FANCA: variants seen among roughly 807,000 people sequenced by gnomAD.
FANCA encodes the protein Fanconi anemia group A protein.
In FANCA, 236 loss-of-function variants were observed where a neutral mutation model predicts 194.3. The ratio of observed to expected loss-of-function variants is 1.21; its 90% CI spans 1.09 to 1.35. The LOEUF (loss-of-function observed/expected upper bound fraction) is 1.35, where lower values mean the gene tolerates loss of function less well. FANCA is among the 40% of genes most tolerant of loss of function. The pLI, the probability that FANCA is intolerant of heterozygous loss-of-function variation, is 0.00. For synonymous variants in FANCA, 1,014 were observed against 715.8 expected (o/e 1.42, Z -6.65); for missense variants, 2,628 against 1,813.9 (o/e 1.45, Z -8.15).
Position 89,778,867 on chromosome 16 carries a change from G to T in FANCA, c.1777-17C>A. On this transcript the variant is annotated splice_polypyrimidine_tract_variant and intron_variant, in intron 19 of 42. Coordinates refer to ENST00000389301, the MANE Select transcript of FANCA (RefSeq NM_000135.4). ...TTTGGGGAGCTGTGGGAAGAGAAGA[G>T]ACCTGTGAGAGACTGACAAGGAAAG... is the stretch of plus-strand genomic sequence containing the variant. 6.2e-7 allele frequency: 1 copy of T among 1,613,904 alleles called. No individual in the cohort carries two copies. Among genetic ancestry groups the T allele is most frequent in the Non-Finnish European group, 8.5e-7 (1 of 1,179,988 alleles).
chr16:89,771,916 T>C, intron 22 of FANCA, 102 bp from the exon 23 acceptor site: 1 of 1,341,938 alleles, frequency 7.5e-7, no homozygotes, highest in Non-Finnish European at 1.1e-6. Flanking sequence ...ATTCCACGGA[T>C]CCTGCTGACT....
chr16:89,788,398 T>A (rs1445174958), intron 14 of FANCA, among the ~76,000 whole-genome samples: 1 of 150,950 alleles, frequency 6.6e-6, no homozygotes, highest in Non-Finnish European at 1.5e-5. Flanking sequence ...GAGGTGGGAG[T>A]TGCACTCCAG....
intron 10 of FANCA, among the ~76,000 whole-genome samples, chr16:89,798,036 A>C (rs1226156307): frequency 6.6e-6 from 1 of 152,320 alleles, no homozygotes; most frequent in East Asian, 1.9e-4. Flanking sequence ...CTTGCCACAG[A>C]CTAAACTGTA....
chr16:89,749,979 G>A (rs2038526805), intron 31 of FANCA, 77 bp from the exon 32 acceptor site: 5 of 1,515,004 alleles, frequency 3.3e-6, no homozygotes, highest in Non-Finnish European at 3.7e-6. Context: ...AGACGTCAGG[G>A]GTCAGGGAGA....
At chr16:89,770,388 G>T in intron 24 of FANCA, 129 bp from the exon 25 acceptor site, 1 of 1,055,926 alleles carries the variant, frequency 9.5e-7, no homozygotes, top group South Asian at 1.4e-5. Flanking sequence ...CTTTCTGGAA[G>T]ACAACCCATC....
chr16:89,776,495 T>A (rs1558151), intron 20 of FANCA, among the ~76,000 whole-genome samples: 59,643 of 151,566 alleles, frequency 0.39, 15,018 homozygotes, highest in East Asian at 0.95. Context: ...ATTTTAATGA[T>A]TAATACTAAG....
chr16:89,749,675 G>A, intron 32 of FANCA, 55 bp downstream of exon 32: 3 of 1,578,956 alleles, frequency 1.9e-6, no homozygotes, highest in Non-Finnish European at 2.6e-6. Context: ...GGACCGTCAT[G>A]AGATGCTGCC....
rs1432988639 is a variant in FANCA, at chr16:89,740,803, C to T, written c.3828+1G>A. Reference sequence around the variant, plus strand: ...ACCTTGGCTGGTAAGGTCTGACTTACATTTGAGGTCAGATGTGACGACAGC... The same window carrying T: ...ACCTTGGCTGGTAAGGTCTGACTTATATTTGAGGTCAGATGTGACGACAGC... On this transcript the variant is annotated splice_donor_variant, in intron 38 of 42. Coordinates refer to ENST00000389301, the MANE Select transcript of FANCA (RefSeq NM_000135.4). LOFTEE classifies it high-confidence loss of function. 1.2e-6 allele frequency: 2 copies of T among 1,613,086 alleles called. No homozygotes were observed. The highest frequency in any genetic ancestry group is 1.7e-6 in the Non-Finnish European group (2 of 1,179,338).
chr16:89,780,023 A>G, intron 17 of FANCA, 66 bp from the exon 18 acceptor site: 2 of 1,378,958 alleles, frequency 1.5e-6, no homozygotes, highest in Non-Finnish European at 2.1e-6. Context: ...TGAGCAGTGA[A>G]GGCCACACTC....
intron 30 of FANCA, among the ~76,000 whole-genome samples, chr16:89,757,413 A>G (rs1436611048): frequency 6.6e-6 from 1 of 152,146 alleles, no homozygotes; most frequent in Non-Finnish European, 1.5e-5. Flanking sequence ...CAGCCATAAG[A>G]AGGAAGGGTA....
At chr16:89,774,122 A>T (rs564083981) in intron 21 of FANCA, among the ~76,000 whole-genome samples, 2 of 152,232 alleles carry the variant, frequency 1.3e-5, no homozygotes, top group African/African-American at 4.8e-5. Flanking sequence ...AAAGTAAAAA[A>T]CCTTCAAGTT....
intron 42 of FANCA, 86 bp downstream of exon 42, chr16:89,738,796 T>C (rs1219694478): frequency 1.2e-6 from 2 of 1,613,506 alleles, no homozygotes; most frequent in Admixed American, 1.7e-5. Flanking sequence ...AGTCGAGTTG[T>C]ATTGCCAGCC....
intron 14 of FANCA, among the ~76,000 whole-genome samples, chr16:89,789,332 C>T (rs558771619): frequency 5.3e-5 from 8 of 151,218 alleles, no homozygotes; most frequent in East Asian, 1.9e-4. Flanking sequence ...ACCGCAGCCA[C>T]GATGGCGATG....
chr16:89,746,158 C>A (rs1052134010), intron 35 of FANCA, among the ~76,000 whole-genome samples: 1 of 152,192 alleles, frequency 6.6e-6, no homozygotes, highest in African/African-American at 2.4e-5. Flanking sequence ...GAGGTGAAGT[C>A]TCTGCTCCGA....
intron 30 of FANCA, 32 bp from the exon 31 acceptor site, chr16:89,752,254 G>A (rs753610673): frequency 8.9e-5 from 140 of 1,573,774 alleles, no homozygotes; most frequent in Non-Finnish European, 1.2e-4. Flanking sequence ...ATCCTCCTCA[G>A]TATCGCCTAA....
At position 89,778,853 on chromosome 16, in the gene FANCA, G is replaced by A; in HGVS notation, c.1777-3C>T. 2 of 1,614,078 alleles carry A rather than the reference G, an allele frequency of 1.2e-6. No individual in the cohort carries two copies. The highest frequency in any genetic ancestry group is 1.7e-6 in the Non-Finnish European group (2 of 1,180,016). On this transcript the variant is annotated splice_polypyrimidine_tract_variant and splice_region_variant and intron_variant, in intron 19 of 42. Transcript: ENST00000389301. ...CGGGAGTCAGGGACTTTGGGGAGCT[G>A]TGGGAAGAGAAGAGACCTGTGAGAG... is the stretch of plus-strand genomic sequence containing the variant.
At chr16:89,749,643 A>G in intron 32 of FANCA, 87 bp downstream of exon 32, 2 of 1,501,652 alleles carry the variant, frequency 1.3e-6, no homozygotes, top group Admixed American at 3.9e-5. Context: ...ACGGGAAACA[A>G]ACTCACTACA....
At chr16:89,798,734 G>A in intron 10 of FANCA, 1 of 1,349,432 alleles carries the variant, frequency 7.4e-7, no homozygotes, top group Non-Finnish European at 9.6e-7. Flanking sequence ...ATCTGAGCAG[G>A]ATCTGTGGAG....
In FANCA at chr16:89,754,844, A is replaced by G. The variant is rs145028526; in HGVS notation, c.2982-2622T>C. Among the ~76,000 whole-genome samples, 1,253 of 152,324 alleles carry G rather than the reference A, an allele frequency of 8.2e-3. 20 individuals are homozygous for G. The highest frequency in any genetic ancestry group is 0.015 in the Admixed American group (231 of 15,290). ...CACTGAGATGGCAATACTGCCCCAC[A>G]TGCAGTCCGTATCAGGGTCCCAGCT... On this transcript the variant is annotated intron_variant, in intron 30 of 42. Transcript: ENST00000389301.
Sources: allele counts gnomAD v4.1 joint callset (sites outside exome capture counted in the v4.1 genomes callset), GRCh38; gene constraint gnomAD v4.1.1; transcripts MANE v1.5; gene names NCBI Gene and HGNC (gene_info 2026-07-23, HGNC 2026-07-21).